FANCL: variants seen among roughly 807,000 people sequenced by gnomAD.
FANCL encodes the protein E3 ubiquitin-protein ligase FANCL.
In FANCL, 69 loss-of-function variants were observed where a neutral mutation model predicts 59.4. The ratio of observed to expected loss-of-function variants is 1.16; its 90% CI spans 0.96 to 1.42. The LOEUF (loss-of-function observed/expected upper bound fraction) is 1.42, where lower values mean the gene tolerates loss of function less well. FANCL is among the 40% of genes most tolerant of loss of function. The pLI is 0.00. For synonymous variants in FANCL, 180 were observed against 147.1 expected, an observed-to-expected ratio of 1.22 and a Z score of -1.62; for missense variants, 519 against 447.2, an observed-to-expected ratio of 1.16 and a Z score of -1.45.
intron 7 of FANCL, among the ~76,000 whole-genome samples, chr2:58,185,639 T>C (rs541590481): frequency 3.3e-5 from 5 of 152,170 alleles, no homozygotes; most frequent in Non-Finnish European, 7.3e-5. Context: ...AAGACCCCGA[T>C]AATTAAGCAG....
At chr2:58,185,352 C>G (rs1451721191) in intron 7 of FANCL, among the ~76,000 whole-genome samples, 1 of 152,064 alleles carries the variant, frequency 6.6e-6, no homozygotes, top group African/African-American at 2.4e-5. Flanking sequence ...ATGAAAAGAT[C>G]TGTATTTGGG....
At chr2:58,234,281 G>T (rs1037791439) in intron 1 of FANCL, among the ~76,000 whole-genome samples, 1 of 151,900 alleles carries the variant, frequency 6.6e-6, no homozygotes, top group African/African-American at 2.4e-5. Flanking sequence ...ACTAAAATGA[G>T]AAATTGTATT....
At chr2:58,191,896 T>C (rs1425654517) in intron 7 of FANCL, among the ~76,000 whole-genome samples, 1 of 151,936 alleles carries the variant, frequency 6.6e-6, no homozygotes, top group African/African-American at 2.4e-5. Context: ...TTCTCATATG[T>C]AATCTATGAC....
chr2:58,232,415 C>T (rs1298654755), intron 1 of FANCL, among the ~76,000 whole-genome samples: 1 of 151,724 alleles, frequency 6.6e-6, no homozygotes, highest in Non-Finnish European at 1.5e-5. Flanking sequence ...GCTAACCAGG[C>T]CCATAGAAGA....
At chr2:58,182,022 A>G (rs1168630439) in intron 7 of FANCL, among the ~76,000 whole-genome samples, 4 of 151,934 alleles carry the variant, frequency 2.6e-5, no homozygotes, top group Middle Eastern at 3.5e-3. Context: ...AGCTCACTAT[A>G]TAAGACAAAT....
intron 3 of FANCL, among the ~76,000 whole-genome samples, chr2:58,227,915 A>C (rs1693188814): frequency 6.6e-6 from 1 of 151,630 alleles, no homozygotes. Flanking sequence ...AAAGAAGAGG[A>C]GGAGGAGGAG....
chr2:58,241,347 A>C (rs374960980), upstream of FANCL: 286 of 1,604,690 alleles, frequency 1.8e-4, 1 homozygote, highest in African/African-American at 3.4e-3. Context: ...GAAAAGCTCT[A>C]GACCTGCTGG....
At chr2:58,174,275 G>A (rs1322640405) in intron 7 of FANCL, among the ~76,000 whole-genome samples, 3 of 152,130 alleles carry the variant, frequency 2.0e-5, no homozygotes, top group Non-Finnish European at 4.4e-5. Flanking sequence ...ACTCAGCTCT[G>A]CACCAAGCAG....
At chr2:58,199,079 T>A (rs1163818823) in intron 6 of FANCL, among the ~76,000 whole-genome samples, 2 of 151,688 alleles carry the variant, frequency 1.3e-5, no homozygotes, top group Admixed American at 6.6e-5. Context: ...AAACATATTA[T>A]TATAACTGAA....
At chr2:58,217,197 TATATATATATATATATATACACACACAC>T (rs1433243205) in intron 5 of FANCL, among the ~76,000 whole-genome samples, 152 of 13,560 alleles carry the variant, frequency 0.011, 12 homozygotes, top group Admixed American at 0.035. Flanking sequence ...TATATATATA[TATATATATATATATATATACACACACAC>T]ACACACACAC....
At chr2:58,193,164 A>T (rs773762700) in intron 7 of FANCL, among the ~76,000 whole-genome samples, 1 of 152,020 alleles carries the variant, frequency 6.6e-6, no homozygotes, top group Non-Finnish European at 1.5e-5. Flanking sequence ...TGCTGGATAA[A>T]CGTAAACCCA....
Position 58,163,503 on chromosome 2 carries a change from T to C in FANCL, c.706A>G (p.Ile236Val), listed in dbSNP as rs762904548. 2.2e-5 allele frequency: 35 copies of C among 1,600,368 alleles called. No homozygotes were observed. In the African/African-American group the frequency reaches 3.4e-4, roughly 15 times the overall value. ...TGCCTGGGGTCTACCTCTATATTTA[T>C]GGAAACATTATTACCTAGAATGAAA... ...RRIALGNNVSINIEVDPRHPT... is the reference protein window; with the variant it reads ...RRIALGNNVSVNIEVDPRHPT... The change falls in exon 9 of 14, where the codon ATA becomes GTA. Residue 236 changes from isoleucine to valine, a missense_variant. By Grantham distance (29) the Ile-to-Val change is conservative. Coordinates refer to ENST00000233741, the MANE Select transcript of FANCL (RefSeq NM_018062.4).
chr2:58,220,492 T>C (rs1692366322), intron 5 of FANCL, among the ~76,000 whole-genome samples: 1 of 152,230 alleles, frequency 6.6e-6, no homozygotes, highest in East Asian at 1.9e-4. Context: ...ACGAAAATAA[T>C]TCTTATTTCT....
chr2:58,184,417 T>C (rs936589288), intron 7 of FANCL, among the ~76,000 whole-genome samples: 1 of 152,048 alleles, frequency 6.6e-6, no homozygotes, highest in African/African-American at 2.4e-5. Flanking sequence ...AATAAACTCT[T>C]GAGTTTTGGA....
At chr2:58,171,958 C>T (rs1399287435) in intron 7 of FANCL, among the ~76,000 whole-genome samples, 2 of 151,654 alleles carry the variant, frequency 1.3e-5, no homozygotes, top group Non-Finnish European at 3.0e-5. Flanking sequence ...GATTACATCC[C>T]GCTTGGAGAG....
chr2:58,239,113 C>T (rs1438759366), intron 1 of FANCL, among the ~76,000 whole-genome samples: 2 of 152,150 alleles, frequency 1.3e-5, no homozygotes, highest in African/African-American at 4.8e-5. Context: ...CATCATTTGG[C>T]AACCGTGATA....
intron 7 of FANCL, among the ~76,000 whole-genome samples, chr2:58,176,449 A>C (rs1687326018): frequency 1.3e-5 from 2 of 152,104 alleles, no homozygotes. Flanking sequence ...TCAATGGAAC[A>C]GAACAGAGCC....
intron 6 of FANCL, among the ~76,000 whole-genome samples, chr2:58,201,534 T>C (rs1017661598): frequency 2.0e-5 from 3 of 152,020 alleles, no homozygotes; most frequent in African/African-American, 7.2e-5. Context: ...TACATACAAA[T>C]TGCAGCAGAG....
At position 58,226,713 on chromosome 2, in the gene FANCL, A is replaced by AG; in HGVS notation, c.273+14_273+15insC. Reference sequence around the variant, plus strand: ...GCAGTATGGTAACAGTGTCAGAAAAAAAAAAAATTCTTACCAAAAGCATCT... The same window carrying AG: ...GCAGTATGGTAACAGTGTCAGAAAAAGAAAAAAATTCTTACCAAAAGCATCT... On this transcript the variant is annotated intron_variant, in intron 4 of 13. Coordinates refer to ENST00000233741, the MANE Select transcript of FANCL (RefSeq NM_018062.4). The AG allele has an allele frequency of 6.2e-7, 1 of 1,611,342 alleles. No homozygotes were observed. The highest frequency in any genetic ancestry group is 8.5e-7 in the Non-Finnish European group (1 of 1,177,828).
Sources: gnomAD v4.1 joint callset for allele counts (sites outside exome capture counted in the v4.1 genomes callset) on GRCh38, gnomAD v4.1.1 for gene constraint, MANE v1.5 for transcripts, NCBI Gene and HGNC (gene_info 2026-07-23, HGNC 2026-07-21) for gene names.